ANXA13: variants seen among roughly 807,000 people sequenced by gnomAD.
The protein encoded by ANXA13 is annexin XIII.
ANXA13 carries 36 observed loss-of-function variants against 46.6 expected under a neutral mutation model. That is an observed-to-expected ratio of 0.77 (90% CI 0.59 to 1.02). The LOEUF (loss-of-function observed/expected upper bound fraction) is 1.02, where lower values mean the gene tolerates loss of function less well. ANXA13 is among the 50% of genes least tolerant of loss of function. The pLI is 0.00. For missense variants in ANXA13, 417 were observed against 396.5 expected (o/e 1.05, Z -0.44); for synonymous variants, 163 against 152.9 (o/e 1.07, Z -0.49).
chr8:123,702,758 C>G, intron 2 of ANXA13, 22 bp from the exon 3 acceptor site: 2 of 1,596,404 alleles, frequency 1.3e-6, no homozygotes, highest in Non-Finnish European at 1.7e-6. Context: ...GAGAAACAAA[C>G]AAAGCCACAG....
intron 1 of ANXA13, among the ~76,000 whole-genome samples, chr8:123,730,172 G>A (rs1243634168): frequency 6.6e-6 from 1 of 152,150 alleles, no homozygotes; most frequent in Non-Finnish European, 1.5e-5. Context: ...TGCTTGACTT[G>A]CCTCTAGTCA....
chr8:123,709,012 G>A (rs1326630888), intron 2 of ANXA13, among the ~76,000 whole-genome samples: 2 of 152,166 alleles, frequency 1.3e-5, no homozygotes, highest in Admixed American at 6.5e-5. Context: ...CTGCAAAGAC[G>A]CTTTTTCCAA....
At position 123,684,678 on chromosome 8, in the gene ANXA13, A is replaced by G. The variant is rs149408229; in HGVS notation, c.763T>C (p.Tyr255His). Residue 255 changes from tyrosine (Y) to histidine (H), a missense_variant, in exon 10 of 11, where the codon TAC (tyrosine) becomes CAC (histidine). Physicochemically the swap from Tyr to His is moderately conservative, Grantham distance 83. Coordinates refer to ENST00000419625, the MANE Select transcript of ANXA13 (RefSeq NM_004306.4). ...DCEDYFAERLYKSMKGAGTDE... is the reference protein window; with the variant it reads ...DCEDYFAERLHKSMKGAGTDE... ...GTCCCCGCACCCTTCATCGACTTGT[A>G]CAGACGTTCAGCAAAATAGTCCTCA... The G allele has an allele frequency of 1.5e-5, 24 of 1,614,066 alleles. No individual in the cohort carries two copies. The highest frequency in any genetic ancestry group is 2.0e-5 in the Non-Finnish European group (24 of 1,180,026).
At chr8:123,722,884 CT>C (rs764621291) in intron 1 of ANXA13, among the ~76,000 whole-genome samples, 21 of 152,264 alleles carry the variant, frequency 1.4e-4, no homozygotes, top group Non-Finnish European at 2.8e-4. Context: ...CACACCCAAT[CT>C]TCCAGTTCTC....
At position 123,723,246 on chromosome 8, in the gene ANXA13, G is replaced by A. The variant is rs114258258; in HGVS notation, c.16-10493C>T. ...CCTCCCTGCAACTTCCTGAGTCCTC[G>A]GAGGACCAAAGAAACTTGAGATTGA... On this transcript the variant is annotated intron_variant, in intron 1 of 10. Coordinates refer to ENST00000419625, the MANE Select transcript of ANXA13 (RefSeq NM_004306.4). Among the ~76,000 whole-genome samples, 764 of 152,308 alleles carry A rather than the reference G, an allele frequency of 5.0e-3. 7 individuals are homozygous for A. Among genetic ancestry groups the A allele is most frequent in the African/African-American group, 0.017 (723 of 41,570 alleles).
At chr8:123,716,494 C>T (rs1813761176) in intron 1 of ANXA13, among the ~76,000 whole-genome samples, 1 of 152,148 alleles carries the variant, frequency 6.6e-6, no homozygotes, top group African/African-American at 2.4e-5. Context: ...GTTATCTTTC[C>T]TAATCTGCTT....
At chr8:123,716,239 C>A (rs1175425750) in intron 1 of ANXA13, among the ~76,000 whole-genome samples, 3 of 152,156 alleles carry the variant, frequency 2.0e-5, no homozygotes, top group Non-Finnish European at 4.4e-5. Context: ...GCATGTGCCA[C>A]CACGCCTGGC....
At chr8:123,692,007 G>A (rs1407842512) in intron 8 of ANXA13, among the ~76,000 whole-genome samples, 1 of 152,236 alleles carries the variant, frequency 6.6e-6, no homozygotes, top group Admixed American at 6.5e-5. Flanking sequence ...GACCAGGGGA[G>A]TGCAGGGTCA....
chr8:123,693,152 A>G, intron 8 of ANXA13, 45 bp downstream of exon 8: 1 of 1,535,070 alleles, frequency 6.5e-7, no homozygotes, highest in South Asian at 1.1e-5. Flanking sequence ...ATAACTTAAG[A>G]CACTTTCAGA....
At chr8:123,716,273 A>G (rs1041358586) in intron 1 of ANXA13, among the ~76,000 whole-genome samples, 22 of 152,146 alleles carry the variant, frequency 1.4e-4, no homozygotes, top group Admixed American at 1.2e-3. Context: ...TTTGGTAGAG[A>G]TGGGGTCTCA....
intron 9 of ANXA13, among the ~76,000 whole-genome samples, chr8:123,687,403 C>T (rs1377931129): frequency 1.3e-5 from 2 of 152,056 alleles, no homozygotes; most frequent in African/African-American, 4.8e-5. Context: ...AGGTCATCGC[C>T]GAGGTCTGAA....
chr8:123,686,187 CT>C (rs1253900467), intron 9 of ANXA13, among the ~76,000 whole-genome samples: 2 of 152,262 alleles, frequency 1.3e-5, no homozygotes, highest in African/African-American at 2.4e-5. Context: ...AAATTATTCA[CT>C]GCAGCCAGGC....
At chr8:123,732,459 A>G (rs1232096069) in intron 1 of ANXA13, among the ~76,000 whole-genome samples, 1 of 152,090 alleles carries the variant, frequency 6.6e-6, no homozygotes, top group African/African-American at 2.4e-5. Context: ...CACCACTGGG[A>G]GTTTTAGTTT....
chr8:123,682,963 A>G lies in ANXA13; in HGVS notation c.832-1604T>C, dbSNP rs536810954. Among the ~76,000 whole-genome samples, 3 of 152,284 alleles carry G rather than the reference A, an allele frequency of 2.0e-5. No homozygotes were observed. The South Asian group carries it at 6.2e-4, about 32-fold the overall frequency. On this transcript the variant is annotated intron_variant, in intron 10 of 10. Coordinates refer to ENST00000419625, the MANE Select transcript of ANXA13 (RefSeq NM_004306.4). Reference sequence around the variant, plus strand: ...CCTCACAAGCCCTTCGGATGGATCCAGTCTCTCTGGGGGTCATTTGGAATC... The same window carrying G: ...CCTCACAAGCCCTTCGGATGGATCCGGTCTCTCTGGGGGTCATTTGGAATC...
intron 1 of ANXA13, among the ~76,000 whole-genome samples, chr8:123,730,524 T>C (rs941594530): frequency 4.6e-5 from 7 of 152,132 alleles, no homozygotes; most frequent in Admixed American, 2.6e-4. Context: ...GGTTGAACAG[T>C]ATCACCCCCA....
chr8:123,706,955 C>T (rs1306758945), intron 2 of ANXA13, among the ~76,000 whole-genome samples: 1 of 152,218 alleles, frequency 6.6e-6, no homozygotes. Context: ...ACCTCCACTC[C>T]TACTTCTCCT....
chr8:123,712,865 G>C (rs976607499), intron 1 of ANXA13, 112 bp from the exon 2 acceptor site: 63 of 891,086 alleles, frequency 7.1e-5, no homozygotes, highest in Non-Finnish European at 8.0e-5. Flanking sequence ...CCAGGGACCA[G>C]CTGTCACTTC....
intron 3 of ANXA13, 74 bp from the exon 4 acceptor site, chr8:123,698,633 C>G (rs1014062970): frequency 6.7e-7 from 1 of 1,491,264 alleles, no homozygotes; most frequent in Non-Finnish European, 9.2e-7. Flanking sequence ...TGCACTATTG[C>G]AAGTGCTCAT....
intron 1 of ANXA13, among the ~76,000 whole-genome samples, chr8:123,718,709 A>G (rs1385361510): frequency 5.9e-5 from 9 of 152,280 alleles, no homozygotes; most frequent in African/African-American, 2.4e-5. Context: ...CCTCCTCTAA[A>G]ACAAGGACAT....
Sources: gnomAD v4.1 joint callset for allele counts (sites outside exome capture counted in the v4.1 genomes callset) on GRCh38, gnomAD v4.1.1 for gene constraint, MANE v1.5 for transcripts, NCBI Gene and HGNC (gene_info 2026-07-23, HGNC 2026-07-21) for gene names.